EBF1: variants seen among roughly 807,000 people sequenced by gnomAD.
EBF1 encodes transcription factor COE1.
EBF1 carries 10 observed loss-of-function variants against 68.4 expected under a neutral mutation model. The ratio of observed to expected loss-of-function variants is 0.15; its 90% CI spans 0.09 to 0.25. The LOEUF (loss-of-function observed/expected upper bound fraction) is 0.25. Ranked by LOEUF, EBF1 falls within the 10% of genes least tolerant of loss-of-function variation. The probability of loss-of-function intolerance (pLI) is 1.00; values close to 1 mark genes in which losing one functional copy is unlikely to be tolerated. For synonymous variants in EBF1, 298 were observed against 299.8 expected (o/e 0.99, Z 0.06); for missense variants, 509 against 794.4 (o/e 0.64, Z 4.32).
intron 6 of EBF1, among the ~76,000 whole-genome samples, chr5:158,843,522 A>G (rs1159886169): frequency 6.6e-6 from 1 of 152,222 alleles, no homozygotes; most frequent in East Asian, 1.9e-4. Context: ...ATGCTGGCAG[A>G]GTCCCCCGCC....
At chr5:158,699,178 G>A in intron 15 of EBF1, 36 bp from the exon 16 acceptor site, 1 of 1,576,410 alleles carries the variant, frequency 6.3e-7, no homozygotes, top group East Asian at 2.2e-5. Context: ...TGGTTTCTTT[G>A]CGTTCAAACT....
rs985304367 is a variant in EBF1, at chr5:159,001,591, C to A, written c.554+71805G>T. Among the ~76,000 whole-genome samples, 3 of 152,152 alleles carry A rather than the reference C, an allele frequency of 2.0e-5. No individual in the cohort carries two copies. The East Asian group carries it at 5.8e-4, about 29-fold the overall frequency. ...GTTATGAGTCCTTAACACATACTAA[C>A]CCCCTCTAATAATTGCTAGCTTCTG... On this transcript the variant is annotated intron_variant, in intron 6 of 15. Transcript: ENST00000313708.
chr5:158,988,808 C>T (rs867324858), intron 6 of EBF1, among the ~76,000 whole-genome samples: 41 of 152,338 alleles, frequency 2.7e-4, no homozygotes, highest in Middle Eastern at 3.4e-3. Flanking sequence ...CTCCTTTTCT[C>T]TCCATCTGGC....
intron 8 of EBF1, among the ~76,000 whole-genome samples, chr5:158,801,886 A>T (rs1188455869): frequency 6.6e-6 from 1 of 152,140 alleles, no homozygotes; most frequent in Non-Finnish European, 1.5e-5. Flanking sequence ...GTGTTACATG[A>T]TTCAAGTGCC....
At chr5:159,050,981 C>T (rs755912547) in intron 6 of EBF1, among the ~76,000 whole-genome samples, 32 of 152,132 alleles carry the variant, frequency 2.1e-4, no homozygotes, top group African/African-American at 3.1e-4. Context: ...CTGGTGAACA[C>T]CAGGCCCCAG....
intron 10 of EBF1, among the ~76,000 whole-genome samples, chr5:158,766,498 T>C (rs950061520): frequency 2.0e-5 from 3 of 152,174 alleles, no homozygotes; most frequent in African/African-American, 7.2e-5. Context: ...ATATGTGAAA[T>C]ATTGTAAGTA....
intron 6 of EBF1, among the ~76,000 whole-genome samples, chr5:158,960,264 G>GC (rs1431508800): frequency 6.6e-6 from 1 of 152,088 alleles, no homozygotes; most frequent in Non-Finnish European, 1.5e-5. Context: ...GAGAAAGTGA[G>GC]CTTATTCAAA....
chr5:159,093,434 T>C (rs1202224055), intron 4 of EBF1, among the ~76,000 whole-genome samples: 3 of 152,194 alleles, frequency 2.0e-5, no homozygotes, highest in Non-Finnish European at 4.4e-5. Flanking sequence ...TGAGATGTCA[T>C]ATTATGGCAA....
chr5:159,045,048 A>T, intron 6 of EBF1, among the ~76,000 whole-genome samples: 1 of 152,284 alleles, frequency 6.6e-6, no homozygotes, highest in Admixed American at 6.5e-5. Context: ...TCTTTTATTT[A>T]TGTTTTCCTC....
intron 7 of EBF1, among the ~76,000 whole-genome samples, chr5:158,832,247 G>A (rs1046021459): frequency 2.0e-5 from 3 of 152,120 alleles, no homozygotes; most frequent in Non-Finnish European, 2.9e-5. Context: ...AGTGCAGGGC[G>A]ACCACTCATC....
At chr5:158,772,151 G>A (rs1773997973) in intron 10 of EBF1, among the ~76,000 whole-genome samples, 2 of 152,128 alleles carry the variant, frequency 1.3e-5, no homozygotes, top group South Asian at 4.1e-4. Flanking sequence ...CATGAAAGTG[G>A]CTATTCAGAG....
At chr5:158,991,847 A>G (rs576243284) in intron 6 of EBF1, among the ~76,000 whole-genome samples, 36 of 152,174 alleles carry the variant, frequency 2.4e-4, no homozygotes, top group Non-Finnish European at 4.6e-4. Context: ...CATTTGCACA[A>G]TGCAAGAGCT....
At chr5:158,926,336 T>C (rs1043465339) in intron 6 of EBF1, among the ~76,000 whole-genome samples, 1 of 152,226 alleles carries the variant, frequency 6.6e-6, no homozygotes, top group Non-Finnish European at 1.5e-5. Context: ...CTTTTGCATA[T>C]TGATTCTGAA....
At chr5:158,962,099 G>T (rs765454634) in intron 6 of EBF1, among the ~76,000 whole-genome samples, 1 of 152,186 alleles carries the variant, frequency 6.6e-6, no homozygotes, top group Non-Finnish European at 1.5e-5. Context: ...GGCAGCACAG[G>T]ACTGTGTTTA....
rs930238305 is a variant in EBF1 at position 158,961,951 on chromosome 5, C to T, written c.554+111445G>A. On this transcript the variant is annotated intron_variant, in intron 6 of 15. Transcript: ENST00000313708. ...GAAAGCTTGATACTTTTTGTATAAACCTGAGTGGTTAGTGGCACAAATGCA... is the reference window on the plus strand; with the variant it reads ...GAAAGCTTGATACTTTTTGTATAAATCTGAGTGGTTAGTGGCACAAATGCA... Among the ~76,000 whole-genome samples the T allele has an allele frequency of 2.6e-5, 4 of 152,146 alleles. No homozygotes were observed. In the East Asian group the frequency reaches 5.8e-4, roughly 22 times the overall value.
chr5:159,018,580 G>T (rs1766062341), intron 6 of EBF1, among the ~76,000 whole-genome samples: 1 of 152,134 alleles, frequency 6.6e-6, no homozygotes, highest in African/African-American at 2.4e-5. Context: ...GAAATCAGAA[G>T]GATAATTGCA....
At chr5:158,811,195 C>T (rs1782587961) in intron 8 of EBF1, among the ~76,000 whole-genome samples, 1 of 152,138 alleles carries the variant, frequency 6.6e-6, no homozygotes, top group Admixed American at 6.5e-5. Context: ...GACTTTTTAT[C>T]TTAACCCAGA....
intron 6 of EBF1, among the ~76,000 whole-genome samples, chr5:159,007,822 C>G (rs1487035699): frequency 1.3e-5 from 2 of 151,820 alleles, no homozygotes; most frequent in African/African-American, 4.8e-5. Context: ...GTGTTAGAAA[C>G]ACATAAGTTC....
chr5:158,978,785 CACACACACACAT>C (rs1277178843), intron 6 of EBF1, among the ~76,000 whole-genome samples: 5 of 123,192 alleles, frequency 4.1e-5, no homozygotes, highest in African/African-American at 1.5e-4. Context: ...AAGATACACA[CACACACACACAT>C]ACACACACAC....
Sources: allele counts gnomAD v4.1 joint callset (sites outside exome capture counted in the v4.1 genomes callset), GRCh38; gene constraint gnomAD v4.1.1; transcripts MANE v1.5; gene names NCBI Gene and HGNC (gene_info 2026-07-23, HGNC 2026-07-21).